Variants in PHKB observed in about 807,000 individuals in gnomAD.
PHKB encodes the protein phosphorylase kinase regulatory subunit beta.
PHKB carries 122 observed loss-of-function variants against 152.1 expected under a neutral mutation model. The observed-to-expected ratio is 0.80, with a 90% CI of 0.69 to 0.93. The LOEUF (loss-of-function observed/expected upper bound fraction) is 0.93, where lower values mean the gene tolerates loss of function less well. PHKB is among the 40% of genes least tolerant of loss of function. The pLI is 0.00. For synonymous variants in PHKB, 436 were observed against 464.9 expected, an observed-to-expected ratio of 0.94 and a Z score of 0.80; for missense variants, 1,304 against 1,328.4, an observed-to-expected ratio of 0.98 and a Z score of 0.29.
At chr16:47,637,958 G>A (rs1972950846) in intron 14 of PHKB, among the ~76,000 whole-genome samples, 1 of 151,998 alleles carries the variant, frequency 6.6e-6, no homozygotes, top group East Asian at 1.9e-4. Flanking sequence ...TGATGGAAAG[G>A]GTGCAGGGCC....
At chr16:47,525,135 G>T (rs530396965) in intron 6 of PHKB, among the ~76,000 whole-genome samples, 4 of 151,988 alleles carry the variant, frequency 2.6e-5, no homozygotes, top group Non-Finnish European at 5.9e-5. Context: ...TGAAATCCTG[G>T]GATGAAAGTT....
In PHKB at chr16:47,660,799, G is replaced by A. The variant is rs375361185; in HGVS notation, c.2176G>A (p.Glu726Lys). The A allele has an allele frequency of 5.6e-6, 9 of 1,613,934 alleles. No homozygotes were observed. Among genetic ancestry groups the A allele is most frequent in the South Asian group, 2.2e-5 (2 of 91,066 alleles). Reference protein sequence around the residue: ...ISEWKDKPTHEILQKLNDCSC... With the variant: ...ISEWKDKPTHKILQKLNDCSC... ...TGAATGGAAGGACAAACCCACCCAC[G>A]AAATTCTTCAAAAACTGAATGTGAG... Residue 726 changes from glutamate (E) to lysine (K), a missense_variant, in exon 22 of 31, where the codon GAA becomes AAA. Transcript: ENST00000323584.
intron 14 of PHKB, among the ~76,000 whole-genome samples, chr16:47,611,576 C>A (rs946796188): frequency 6.6e-6 from 1 of 151,928 alleles, no homozygotes; most frequent in African/African-American, 2.4e-5. Context: ...AGTTAACATG[C>A]ATTTAATAAG....
At chr16:47,640,435 A>C (rs1972997856) in intron 14 of PHKB, among the ~76,000 whole-genome samples, 1 of 152,186 alleles carries the variant, frequency 6.6e-6, no homozygotes, top group African/African-American at 2.4e-5. Context: ...GCAAATATCC[A>C]ACACTGTCTT....
chr16:47,596,047 T>G (rs551708154), intron 12 of PHKB, among the ~76,000 whole-genome samples: 1 of 152,184 alleles, frequency 6.6e-6, no homozygotes, highest in Admixed American at 6.5e-5. Flanking sequence ...AATTCCCATG[T>G]GTCAAGGGTG....
At chr16:47,493,429 A>G (rs1484543286) in intron 1 of PHKB, among the ~76,000 whole-genome samples, 2 of 152,204 alleles carry the variant, frequency 1.3e-5, no homozygotes, top group African/African-American at 4.8e-5. Context: ...CTAGCTTTTT[A>G]AAATTGAGAG....
intron 15 of PHKB, 44 bp downstream of exon 15, chr16:47,641,134 A>T: frequency 2.9e-4 from 347 of 1,215,558 alleles, no homozygotes; most frequent in Non-Finnish European, 3.9e-4. Flanking sequence ...TGGGGAGGGG[A>T]GGGGAGGGGA....
intron 13 of PHKB, among the ~76,000 whole-genome samples, chr16:47,604,051 A>C (rs993404859): frequency 2.6e-5 from 4 of 152,148 alleles, no homozygotes; most frequent in African/African-American, 9.7e-5. Flanking sequence ...ATTCCTATTA[A>C]AAGCAAAAAC....
chr16:47,658,960 T>C (rs553709547), intron 20 of PHKB, among the ~76,000 whole-genome samples: 1 of 152,186 alleles, frequency 6.6e-6, no homozygotes, highest in Non-Finnish European at 1.5e-5. Context: ...ACATAGTACC[T>C]AGTAGGCCTT....
chr16:47,494,681 A>G (rs1221884191), intron 1 of PHKB, among the ~76,000 whole-genome samples: 3 of 152,238 alleles, frequency 2.0e-5, no homozygotes, highest in South Asian at 2.1e-4. Flanking sequence ...AAAAGCATGG[A>G]AAAGAAAAAT....
chr16:47,547,725 G>A lies in PHKB; in HGVS notation c.710+177G>A, dbSNP rs1971198836. 6.9e-6 allele frequency: 4 copies of A among 576,232 alleles called. No homozygotes were observed. In the South Asian group the frequency reaches 7.9e-5, roughly 11 times the overall value. 35.7% of individuals were successfully genotyped at this position (576,232 alleles called of 1,614,324 possible). On this transcript the variant is annotated intron_variant, in intron 7 of 30. Coordinates refer to ENST00000323584, the MANE Select transcript of PHKB (RefSeq NM_000293.3). ...ATTAACACAAAAGAGCCCATCCTCAGTACCCATAAACAGATGCAAGAAAGA... is the reference window on the plus strand; with the variant it reads ...ATTAACACAAAAGAGCCCATCCTCAATACCCATAAACAGATGCAAGAAAGA...
At chr16:47,485,791 T>A (rs1970039214) in intron 1 of PHKB, among the ~76,000 whole-genome samples, 1 of 152,028 alleles carries the variant, frequency 6.6e-6, no homozygotes, top group East Asian at 1.9e-4. Context: ...GGCTGATTTT[T>A]AAATTTTTTT....
intron 13 of PHKB, among the ~76,000 whole-genome samples, chr16:47,607,453 C>T (rs1972346761): frequency 6.6e-6 from 1 of 152,174 alleles, no homozygotes; most frequent in African/African-American, 2.4e-5. Flanking sequence ...TTGTGTCTGG[C>T]TTCTTTCACT....
At chr16:47,591,826 C>T (rs769292059) in intron 10 of PHKB, among the ~76,000 whole-genome samples, 2 of 152,176 alleles carry the variant, frequency 1.3e-5, no homozygotes, top group Non-Finnish European at 2.9e-5. Flanking sequence ...TCATTCTAGG[C>T]ACTTCCTTCT....
At chr16:47,662,867 T>C (rs1973467811) in intron 23 of PHKB, among the ~76,000 whole-genome samples, 1 of 152,162 alleles carries the variant, frequency 6.6e-6, no homozygotes, top group Non-Finnish European at 1.5e-5. Context: ...TGGCTGTTTT[T>C]TTAATTTAAA....
At chr16:47,671,289 G>A (rs560632727) in intron 26 of PHKB, among the ~76,000 whole-genome samples, 1 of 151,994 alleles carries the variant, frequency 6.6e-6, no homozygotes, top group African/African-American at 2.4e-5. Context: ...TTTATATTCA[G>A]CACTATGCTG....
At chr16:47,576,044 C>A (rs1488945348) in intron 7 of PHKB, among the ~76,000 whole-genome samples, 1 of 152,144 alleles carries the variant, frequency 6.6e-6, no homozygotes, top group Admixed American at 6.5e-5. Context: ...CCATTGCACT[C>A]CAGCTTGGGC....
At chr16:47,561,094 A>G (rs16945408) in intron 7 of PHKB, among the ~76,000 whole-genome samples, 17,757 of 152,234 alleles carry the variant, frequency 0.12, 2,269 homozygotes, top group African/African-American at 0.32. Flanking sequence ...TTATTTTTGG[A>G]AAGAACCTGA....
rs759484606 is a variant in PHKB, at chr16:47,463,908, C to G, written c.76+2482C>G. The G allele has an allele frequency of 7.4e-6, 12 of 1,613,088 alleles. No individual in the cohort carries two copies. The South Asian group carries it at 1.3e-4, about 18-fold the overall frequency. ...TTTAAAATTGCTATAGCTTAGCCTG[C>G]GACGCTTATGATTAGAGCCAACAAT... is the stretch of plus-strand genomic sequence containing the variant. On this transcript the variant is annotated intron_variant, in intron 1 of 30. Coordinates refer to ENST00000323584, the MANE Select transcript of PHKB (RefSeq NM_000293.3).
Sources: allele counts gnomAD v4.1 joint callset (sites outside exome capture counted in the v4.1 genomes callset), GRCh38; gene constraint gnomAD v4.1.1; transcripts MANE v1.5; gene names NCBI Gene and HGNC (gene_info 2026-07-23, HGNC 2026-07-21).